The following KCNAB1 variants were observed in gnomAD, a reference collection of about 807,000 sequenced individuals.
The protein encoded by KCNAB1 is voltage-gated potassium channel subunit beta-1.
KCNAB1 carries 35 observed loss-of-function variants against 64.6 expected under a neutral mutation model. That is an observed-to-expected ratio of 0.54 (90% CI 0.41 to 0.72). The LOEUF (loss-of-function observed/expected upper bound fraction) is 0.72. Among genes scored for constraint, KCNAB1 ranks in the 30% least tolerant of loss-of-function variants. The pLI is 0.00. For synonymous variants in KCNAB1, 177 were observed against 183.8 expected (o/e 0.96, Z 0.30); for missense variants, 401 against 512.9 (o/e 0.78, Z 2.11).
chr3:156,462,745 C>T (rs948300598), intron 5 of KCNAB1, among the ~76,000 whole-genome samples: 8 of 152,156 alleles, frequency 5.3e-5, no homozygotes, highest in East Asian at 1.9e-4. Flanking sequence ...TTATTTCAAG[C>T]GCTCCTGAAG....
At chr3:156,156,349 T>C (rs542454102) in intron 1 of KCNAB1, among the ~76,000 whole-genome samples, 1 of 152,258 alleles carries the variant, frequency 6.6e-6, no homozygotes, top group South Asian at 2.1e-4. Flanking sequence ...GAAGCTTTTG[T>C]GAATACTGAT....
intron 1 of KCNAB1, among the ~76,000 whole-genome samples, chr3:156,236,123 C>T (rs755394943): frequency 2.1e-4 from 32 of 152,088 alleles, no homozygotes; most frequent in Admixed American, 3.9e-4. Context: ...ATAATTATAA[C>T]GATTCTGATG....
chr3:156,483,099 G>A (rs1287302605), intron 8 of KCNAB1, among the ~76,000 whole-genome samples: 2 of 152,100 alleles, frequency 1.3e-5, no homozygotes. Context: ...GGGACACACA[G>A]TGCTCATGTG....
intron 8 of KCNAB1, among the ~76,000 whole-genome samples, chr3:156,493,155 A>G (rs577379663): frequency 6.6e-6 from 1 of 152,040 alleles, no homozygotes; most frequent in Non-Finnish European, 1.5e-5. Flanking sequence ...TCCAGCCCAG[A>G]TTCCTTGATC....
At chr3:156,198,074 C>G (rs929572626) in intron 1 of KCNAB1, among the ~76,000 whole-genome samples, 1 of 152,162 alleles carries the variant, frequency 6.6e-6, no homozygotes, top group Non-Finnish European at 1.5e-5. Flanking sequence ...GCAGGTTGTT[C>G]GGTTTCCATG....
At chr3:156,254,368 C>G (rs1717984115) in intron 1 of KCNAB1, among the ~76,000 whole-genome samples, 1 of 152,154 alleles carries the variant, frequency 6.6e-6, no homozygotes, top group Non-Finnish European at 1.5e-5. Flanking sequence ...GTGCAGATCC[C>G]TTGCCAAACA....
At chr3:156,157,902 G>A (rs1163174394) in intron 1 of KCNAB1, among the ~76,000 whole-genome samples, 1 of 151,904 alleles carries the variant, frequency 6.6e-6, no homozygotes, top group Non-Finnish European at 1.5e-5. Context: ...TAAAAGGGCC[G>A]CCTGTAATCC....
chr3:156,189,743 A>G (rs1282577737), intron 1 of KCNAB1, among the ~76,000 whole-genome samples: 1 of 152,202 alleles, frequency 6.6e-6, no homozygotes, highest in Non-Finnish European at 1.5e-5. Flanking sequence ...CATGCTTTAT[A>G]CTTTTCAGAC....
rs1270729969 is a variant in KCNAB1 at position 156,538,376 on chromosome 3, A to G, written c.*1629A>G. 1 of 152,240 alleles carries G rather than the reference A, an allele frequency of 6.6e-6. No individual in the cohort carries two copies. Among genetic ancestry groups the G allele is most frequent in the Non-Finnish European group, 1.5e-5 (1 of 68,034 alleles). 9.4% of individuals were successfully genotyped at this position (152,240 alleles called of 1,614,324 possible). On this transcript the variant is annotated 3_prime_UTR_variant, in exon 14 of 14. Transcript: ENST00000490337. ...AAATCTGAAAATGCTAGTGGGAGAT[A>G]TCAAGAAATTTTCTTTTTGATTACT...
At position 156,311,048 on chromosome 3, in the gene KCNAB1, C is replaced by T. The variant is rs1560188684; in HGVS notation, c.276-110568C>T. ...TGCAAGTGAAAGAGGAGATGGTGTT[C>T]GAGGAGCAGAAGACCCCCCACCCTT... is the stretch of plus-strand genomic sequence containing the variant. On this transcript the variant is annotated intron_variant, in intron 1 of 13. Coordinates refer to ENST00000490337, the MANE Select transcript of KCNAB1 (RefSeq NM_172160.3). Among the ~76,000 whole-genome samples the T allele has an allele frequency of 1.3e-5, 2 of 152,094 alleles. 1 individual carries two copies. Among genetic ancestry groups the T allele is most frequent in the African/African-American group, 4.8e-5 (2 of 41,420 alleles).
intron 8 of KCNAB1, among the ~76,000 whole-genome samples, chr3:156,476,323 A>G (rs573327470): frequency 6.6e-6 from 1 of 152,078 alleles, no homozygotes; most frequent in African/African-American, 2.4e-5. Flanking sequence ...CAAGTCCCCA[A>G]AGTCCACTGT....
At chr3:156,328,276 T>C (rs1397655189) in intron 1 of KCNAB1, among the ~76,000 whole-genome samples, 1 of 152,172 alleles carries the variant, frequency 6.6e-6, no homozygotes, top group African/African-American at 2.4e-5. Flanking sequence ...GTTTGGGCTC[T>C]ATTCTACAGG....
chr3:156,164,170 G>A (rs1253423640), intron 1 of KCNAB1, among the ~76,000 whole-genome samples: 1 of 152,202 alleles, frequency 6.6e-6, no homozygotes, highest in African/African-American at 2.4e-5. Flanking sequence ...CCCTCTGCCT[G>A]TTGATGGTTT....
In KCNAB1 at chr3:156,360,303, T is replaced by C. The variant is rs566674903; in HGVS notation, c.276-61313T>C. Among the ~76,000 whole-genome samples, 11 of 152,270 alleles carry C rather than the reference T, an allele frequency of 7.2e-5. No individual in the cohort carries two copies. In the East Asian group the frequency reaches 1.9e-3, roughly 27 times the overall value. On this transcript the variant is annotated intron_variant, in intron 1 of 13. Coordinates refer to ENST00000490337, the MANE Select transcript of KCNAB1 (RefSeq NM_172160.3). ...CTACGTGGATCTCAGACTTCACATA[T>C]CCAAAACCAAACTCCTAACTCCTGA...
At chr3:156,468,850 C>T (rs1250378471) in intron 7 of KCNAB1, among the ~76,000 whole-genome samples, 1 of 152,198 alleles carries the variant, frequency 6.6e-6, no homozygotes, top group Non-Finnish European at 1.5e-5. Flanking sequence ...GCCTTAGTGT[C>T]CCATTTGACA....
intron 13 of KCNAB1, among the ~76,000 whole-genome samples, chr3:156,535,960 T>G (rs1386013716): frequency 6.6e-6 from 1 of 152,218 alleles, no homozygotes; most frequent in Non-Finnish European, 1.5e-5. Context: ...TATCCCATTC[T>G]TACCATCCGT....
At chr3:156,265,296 A>T (rs547833795) in intron 1 of KCNAB1, among the ~76,000 whole-genome samples, 1 of 152,226 alleles carries the variant, frequency 6.6e-6, no homozygotes, top group Admixed American at 6.5e-5. Context: ...TATTTTCTCC[A>T]CAACTTGCAT....
intron 1 of KCNAB1, chr3:156,217,137 C>A (rs1458977714): frequency 6.6e-6 from 1 of 152,142 alleles, no homozygotes; most frequent in Non-Finnish European, 1.5e-5. Context: ...GCCGCAGATT[C>A]CTACACGTCA....
rs1328983184 is a variant in KCNAB1 at position 156,123,009 on chromosome 3, G to A, written c.275+2123G>A. Among the ~76,000 whole-genome samples the A allele has an allele frequency of 2.0e-5, 3 of 152,236 alleles. No homozygotes were observed. In the South Asian group the frequency reaches 6.2e-4, roughly 32 times the overall value. On this transcript the variant is annotated intron_variant, in intron 1 of 13. Coordinates refer to ENST00000490337, the MANE Select transcript of KCNAB1 (RefSeq NM_172160.3). The stretch of plus-strand genomic sequence containing the variant: ...ATTTAATGTTAGCGATAGAATGTAC[G>A]ATCCCCCAAGTCACCCAAATTTTTC...
Sources: gnomAD v4.1 joint callset for allele counts (sites outside exome capture counted in the v4.1 genomes callset) on GRCh38, gnomAD v4.1.1 for gene constraint, MANE v1.5 for transcripts, NCBI Gene and HGNC (gene_info 2026-07-23, HGNC 2026-07-21) for gene names.